OR2L13: variants seen among roughly 807,000 people sequenced by gnomAD.
OR2L13 encodes the protein olfactory receptor 2L13.
In OR2L13, 14 loss-of-function variants were observed where a neutral mutation model predicts 15.3. The ratio of observed to expected loss-of-function variants is 0.91; its 90% CI spans 0.60 to 1.43. The LOEUF (loss-of-function observed/expected upper bound fraction) is 1.43, where lower values mean the gene tolerates loss of function less well. Ranked by LOEUF, OR2L13 falls within the 40% of genes most tolerant of loss-of-function variation. The pLI, the probability that OR2L13 is intolerant of heterozygous loss-of-function variation, is 0.00. For missense variants in OR2L13, 367 were observed against 387.9 expected (o/e 0.95, Z 0.45); for synonymous variants, 152 against 142.9 (o/e 1.06, Z -0.45).
chr1:248,045,349 C>T, the OR2L13 span, among the ~76,000 whole-genome samples: 1 of 152,268 alleles, frequency 6.6e-6, no homozygotes, highest in East Asian at 1.9e-4. Context: ...TCAATTACTG[C>T]TTCCAGAACA....
At chr1:248,071,168 A>C in the OR2L13 span, among the ~76,000 whole-genome samples, 1 of 152,202 alleles carries the variant, frequency 6.6e-6, no homozygotes, top group African/African-American at 2.4e-5. Flanking sequence ...GCAGAGACAC[A>C]ACCGAAAAAG....
At chr1:248,084,540 G>A in the OR2L13 span, 52 of 1,613,100 alleles carry the variant, frequency 3.2e-5, 1 homozygote, top group Admixed American at 8.7e-4. Flanking sequence ...GGTGGGCTCT[G>A]GTGTGGTTAA....
the OR2L13 span, among the ~76,000 whole-genome samples, chr1:247,979,946 A>G: frequency 1.3e-5 from 2 of 152,218 alleles, no homozygotes; most frequent in African/African-American, 4.8e-5. Flanking sequence ...TCATTATATA[A>G]CATACACTTG....
the OR2L13 span, among the ~76,000 whole-genome samples, chr1:247,960,255 G>T: frequency 2.6e-5 from 4 of 152,198 alleles, no homozygotes; most frequent in Non-Finnish European, 5.9e-5. Context: ...CAGAACAGCG[G>T]ATATTGGTGA....
the OR2L13 span, among the ~76,000 whole-genome samples, chr1:248,019,070 G>C: frequency 2.5e-3 from 383 of 151,716 alleles, 2 homozygotes; most frequent in African/African-American, 9.0e-3. Context: ...CTGCCTTTGG[G>C]GTATTGTGAT....
the OR2L13 span, among the ~76,000 whole-genome samples, chr1:248,034,722 G>A: frequency 5.9e-5 from 9 of 152,062 alleles, no homozygotes; most frequent in South Asian, 8.3e-4. Context: ...TAAGTGTTTC[G>A]TTTCTTTCTG....
the OR2L13 span, among the ~76,000 whole-genome samples, chr1:248,045,211 T>TA: frequency 6.6e-6 from 1 of 152,198 alleles, no homozygotes; most frequent in African/African-American, 2.4e-5. Context: ...CACAGACATT[T>TA]AAAAATGTAA....
At chr1:247,980,254 T>C in the OR2L13 span, among the ~76,000 whole-genome samples, 1 of 152,138 alleles carries the variant, frequency 6.6e-6, no homozygotes, top group Non-Finnish European at 1.5e-5. Flanking sequence ...TAAAATTTAA[T>C]GGGCATTTCC....
chr1:248,034,835 C>T, the OR2L13 span, among the ~76,000 whole-genome samples: 2 of 152,190 alleles, frequency 1.3e-5, no homozygotes, highest in Non-Finnish European at 2.9e-5. Context: ...GCTTCTGACA[C>T]TTTCTGTGAG....
chr1:248,089,482 T>C, the OR2L13 span, among the ~76,000 whole-genome samples: 47 of 152,260 alleles, frequency 3.1e-4, 1 homozygote, highest in African/African-American at 1.1e-3. Flanking sequence ...TAGTGACCTG[T>C]AAGTTCCTCC....
the OR2L13 span, among the ~76,000 whole-genome samples, chr1:247,960,157 C>T: frequency 6.6e-6 from 1 of 152,294 alleles, no homozygotes; most frequent in East Asian, 1.9e-4. Context: ...TTCCTTCTAA[C>T]AGTCAGGACC....
the OR2L13 span, among the ~76,000 whole-genome samples, chr1:247,985,434 A>G: frequency 6.6e-6 from 1 of 152,204 alleles, no homozygotes; most frequent in African/African-American, 2.4e-5. Context: ...TACAAAGGGC[A>G]TGAACTCATC....
chr1:247,990,913 T>G, the OR2L13 span: 1 of 1,481,244 alleles, frequency 6.8e-7, no homozygotes, highest in Non-Finnish European at 9.4e-7. Context: ...TATTGCATGT[T>G]CCTATGGCCG....
chr1:248,090,664 G>A (rs553014403), upstream of OR2L13, among the ~76,000 whole-genome samples: 4 of 152,202 alleles, frequency 2.6e-5, no homozygotes, highest in South Asian at 4.2e-4. Flanking sequence ...TATGTACTAC[G>A]TTTTCTTTAT....
At chr1:247,990,725 T>A in the OR2L13 span, 5 of 1,565,828 alleles carry the variant, frequency 3.2e-6, no homozygotes, top group African/African-American at 6.8e-5. Context: ...ATAGGCTCCA[T>A]CAACTCTTGT....
the OR2L13 span, among the ~76,000 whole-genome samples, chr1:247,983,334 C>T: frequency 5.6e-3 from 852 of 152,188 alleles, 7 homozygotes; most frequent in African/African-American, 0.02. Context: ...AGACGTCGCC[C>T]GGGTTGAATG....
At chr1:247,949,047 C>T in the OR2L13 span, 1 of 1,613,924 alleles carries the variant, frequency 6.2e-7, no homozygotes, top group African/African-American at 1.3e-5. Flanking sequence ...CCTACTGAGT[C>T]AGCTCTCCCT....
the OR2L13 span, among the ~76,000 whole-genome samples, chr1:248,048,131 A>T: frequency 1.3e-5 from 2 of 152,138 alleles, no homozygotes; most frequent in African/African-American, 4.8e-5. Context: ...TAGCCATGGA[A>T]ATGTCTGTCT....
At chr1:247,973,013 C>A in the OR2L13 span, among the ~76,000 whole-genome samples, 3 of 152,236 alleles carry the variant, frequency 2.0e-5, no homozygotes, top group East Asian at 5.8e-4. Flanking sequence ...TAAACAGAAC[C>A]AATGACAAAA....
Sources: allele counts gnomAD v4.1 joint callset (sites outside exome capture counted in the v4.1 genomes callset), GRCh38; gene constraint gnomAD v4.1.1; transcripts MANE v1.5; gene names NCBI Gene and HGNC (gene_info 2026-07-23, HGNC 2026-07-21).